PPP4R1: variants seen among roughly 807,000 people sequenced by gnomAD.
The protein encoded by PPP4R1 is serine/threonine-protein phosphatase 4 regulatory subunit 1.
A neutral mutation model predicts 111.2 loss-of-function variants in PPP4R1; 42 were observed. The ratio of observed to expected loss-of-function variants is 0.38; its 90% confidence interval spans 0.29 to 0.49. The LOEUF (loss-of-function observed/expected upper bound fraction) is 0.49, where lower values mean the gene tolerates loss of function less well. Ranked by LOEUF, PPP4R1 falls within the 20% of genes least tolerant of loss-of-function variation. PPP4R1 has a pLI of 0.97. For synonymous variants in PPP4R1, 409 were observed against 405.5 expected (o/e 1.01, Z -0.10); for missense variants, 1,012 against 1,161.6 (o/e 0.87, Z 1.87).
At chr18:9,605,680 G>T (rs971501828) in intron 2 of PPP4R1, among the ~76,000 whole-genome samples, 1 of 151,242 alleles carries the variant, frequency 6.6e-6, no homozygotes, top group Non-Finnish European at 1.5e-5. Flanking sequence ...GAATGCTAAA[G>T]GCTGAGAAAT....
chr18:9,616,128 A>C (rs941432243), upstream of PPP4R1, among the ~76,000 whole-genome samples: 8 of 152,220 alleles, frequency 5.3e-5, no homozygotes, highest in African/African-American at 1.9e-4. Flanking sequence ...TTAGAAATTC[A>C]CATCAACAGC....
rs770416271 is a variant in PPP4R1 at position 9,588,788 on chromosome 18, G to T, written c.361C>A (p.Arg121=). 1.2e-6 allele frequency: 2 copies of T among 1,614,002 alleles called. No homozygotes were observed. The highest frequency in any genetic ancestry group is 2.2e-5 in the South Asian group (2 of 91,076). ...GAAAAAGCATATGGTATTGAAGGCC[G>T]GTTTTCTTGACAAAACAGTGCGATG... ...PHIALFCQEN[R]PSIPYAFSKF... is the part of the protein sequence containing the mutation. The change falls in exon 5 of 20, where the codon CGG becomes AGG. Residue 121 remains arginine, a synonymous_variant. Coordinates refer to ENST00000400556, the MANE Select transcript of PPP4R1 (RefSeq NM_001042388.3).
chr18:9,602,306 C>G (rs1207409599), intron 2 of PPP4R1, among the ~76,000 whole-genome samples: 1 of 133,908 alleles, frequency 7.5e-6, no homozygotes, highest in Non-Finnish European at 1.5e-5. Flanking sequence ...CCAAGGCAGG[C>G]GGATCATGAG....
intron 2 of PPP4R1, among the ~76,000 whole-genome samples, chr18:9,610,287 A>G (rs2067555091): frequency 1.3e-5 from 2 of 152,246 alleles, no homozygotes; most frequent in South Asian, 2.1e-4. Flanking sequence ...TTTAAGGAAC[A>G]TAATTAAATA....
At chr18:9,593,089 G>C (rs926367571) in intron 4 of PPP4R1, among the ~76,000 whole-genome samples, 1 of 152,090 alleles carries the variant, frequency 6.6e-6, no homozygotes, top group East Asian at 1.9e-4. Context: ...CAAAAAGTCT[G>C]TCAGAGGTAG....
At chr18:9,579,517 C>T (rs868737880) in intron 9 of PPP4R1, among the ~76,000 whole-genome samples, 14 of 147,870 alleles carry the variant, frequency 9.5e-5, no homozygotes, top group Middle Eastern at 7.0e-3. Context: ...AGGATTTACA[C>T]GTGTGTGTGT....
rs183016665 is a variant in PPP4R1 at position 9,593,853 on chromosome 18, C to T, written c.210G>A (p.Leu70=). 3,087 of 1,613,506 alleles carry T rather than the reference C, an allele frequency of 1.9e-3. 22 individuals carry two copies. Among genetic ancestry groups the T allele is most frequent in the Non-Finnish European group, 2.2e-3 (2,610 of 1,179,794 alleles). Reference sequence around the variant, plus strand: ...CGCAGACTTCCCTCAAGGTATCGAGCAAACTCCGGGCCACCATTTGTCTAC... The same window carrying T: ...CGCAGACTTCCCTCAAGGTATCGAGTAAACTCCGGGCCACCATTTGTCTAC... ...IFNRQMVARS[L]LDTLREVCDD... is the part of the protein sequence containing the mutation. The change falls in exon 4 of 20, where the codon TTG becomes TTA. Residue 70 remains leucine (L), a synonymous_variant. Coordinates refer to ENST00000400556, the MANE Select transcript of PPP4R1 (RefSeq NM_001042388.3).
intron 13 of PPP4R1, among the ~76,000 whole-genome samples, chr18:9,560,461 T>C (rs948605810): frequency 1.3e-5 from 2 of 151,896 alleles, no homozygotes; most frequent in Admixed American, 1.3e-4. Context: ...TAAAACTGGT[T>C]GTATCTCAGG....
rs746797719 is a variant in PPP4R1, at chr18:9,584,788, G to A, written c.626C>T (p.Thr209Ile). ...KMAPMVGKDI[T>I]ERLILPRFCE... Reference sequence around the variant, plus strand: ...AAACCTAGGGAGGATAAGACGCTCTGTAATATCCTTCCCAACCATGGGAGC... The same window carrying A: ...AAACCTAGGGAGGATAAGACGCTCTATAATATCCTTCCCAACCATGGGAGC... The change falls in exon 7 of 20, where the codon ACA becomes ATA. Residue 209 changes from threonine to isoleucine, a missense_variant. By Grantham distance (89) the Thr-to-Ile change is moderately conservative. Transcript: ENST00000400556. 2.5e-6 allele frequency: 4 copies of A among 1,613,406 alleles called. No individual in the cohort carries two copies. The South Asian group carries it at 4.4e-5, about 18-fold the overall frequency.
At chr18:9,551,730 GCTC>G (rs1429114822) in intron 16 of PPP4R1, 1 of 152,300 alleles carries the variant, frequency 6.6e-6, no homozygotes, top group Non-Finnish European at 1.5e-5. Flanking sequence ...GAGAACTAAT[GCTC>G]CTTATTCCAG....
chr18:9,578,437 C>T (rs192849319), intron 9 of PPP4R1, among the ~76,000 whole-genome samples: 39 of 151,986 alleles, frequency 2.6e-4, no homozygotes, highest in African/African-American at 9.4e-4. Flanking sequence ...CAAGTCCTTG[C>T]TATGTTGCCC....
chr18:9,584,008 CT>C (rs1465431130), intron 8 of PPP4R1, among the ~76,000 whole-genome samples: 5 of 152,216 alleles, frequency 3.3e-5, no homozygotes, highest in Admixed American at 3.3e-4. Flanking sequence ...ACTGGATTGT[CT>C]TATGCAATAT....
At position 9,588,789 on chromosome 18, in the gene PPP4R1, G is replaced by C; in HGVS notation, c.360C>G (p.Asn120Lys). 2 of 1,614,122 alleles carry C rather than the reference G, an allele frequency of 1.2e-6. No individual in the cohort carries two copies. Among genetic ancestry groups the C allele is most frequent in the Non-Finnish European group, 1.7e-6 (2 of 1,179,992 alleles). The change falls in exon 5 of 20, where the codon AAC becomes AAG. Residue 120 changes from asparagine (N) to lysine (K), a missense_variant. Transcript: ENST00000400556. ...AAAAAGCATATGGTATTGAAGGCCGGTTTTCTTGACAAAACAGTGCGATGT... is the reference window on the plus strand; with the variant it reads ...AAAAAGCATATGGTATTGAAGGCCGCTTTTCTTGACAAAACAGTGCGATGT... Reference protein sequence around the residue: ...VPHIALFCQENRPSIPYAFSK... With the variant: ...VPHIALFCQEKRPSIPYAFSK...
At chr18:9,581,933 C>T (rs1568109686) in intron 9 of PPP4R1, among the ~76,000 whole-genome samples, 1 of 152,100 alleles carries the variant, frequency 6.6e-6, no homozygotes, top group African/African-American at 2.4e-5. Context: ...CACACTCAAT[C>T]TCACATTAAG....
At chr18:9,590,721 G>C (rs1482504503) in intron 4 of PPP4R1, among the ~76,000 whole-genome samples, 2 of 151,914 alleles carry the variant, frequency 1.3e-5, no homozygotes, top group African/African-American at 4.8e-5. Context: ...CCTCCACTTT[G>C]TATCACGCAC....
intron 11 of PPP4R1, among the ~76,000 whole-genome samples, chr18:9,568,598 T>TA (rs1485354879): frequency 4.6e-5 from 7 of 152,222 alleles, no homozygotes; most frequent in Admixed American, 4.6e-4. Flanking sequence ...AAGAAAAACT[T>TA]AGAGCAGTTC....
chr18:9,575,482 C>G (rs1400809454), intron 10 of PPP4R1, among the ~76,000 whole-genome samples: 5 of 152,114 alleles, frequency 3.3e-5, no homozygotes, highest in Non-Finnish European at 4.4e-5. Context: ...CCTTCCTTAG[C>G]CAGGAATGCT....
chr18:9,564,730 G>T lies in PPP4R1; in HGVS notation c.1574-1180C>A, dbSNP rs796238460. Reference sequence around the variant, plus strand: ...TGTGTGTGTGTGTGTGTGTGTGTGTGTGTGTGTGGGGGTATCATCCCCCAT... The same window carrying T: ...TGTGTGTGTGTGTGTGTGTGTGTGTTTGTGTGTGGGGGTATCATCCCCCAT... On this transcript the variant is annotated intron_variant, in intron 11 of 19. Coordinates refer to ENST00000400556, the MANE Select transcript of PPP4R1 (RefSeq NM_001042388.3). Among the ~76,000 whole-genome samples the T allele has an allele frequency of 7.5e-3, 605 of 80,422 alleles. 7 individuals carry two copies. The highest frequency in any genetic ancestry group is 0.015 in the South Asian group (50 of 3,374). 52.8% of individuals were successfully genotyped at this position (80,422 alleles called of 152,430 possible). A position where few individuals can be genotyped will look rare whatever the true frequency, so the allele number is the denominator to read the frequency against.
At chr18:9,565,229 T>A (rs1877044120) in intron 11 of PPP4R1, among the ~76,000 whole-genome samples, 1 of 152,220 alleles carries the variant, frequency 6.6e-6, no homozygotes. Flanking sequence ...TGGGAGCTGC[T>A]AACTAGCCAT....
Sources: allele counts gnomAD v4.1 joint callset (sites outside exome capture counted in the v4.1 genomes callset), GRCh38; gene constraint gnomAD v4.1.1; transcripts MANE v1.5; gene names NCBI Gene and HGNC (gene_info 2026-07-23, HGNC 2026-07-21).